Variants in DNM3 observed in about 807,000 individuals in gnomAD.
DNM3 encodes dynamin 3.
DNM3 carries 47 observed loss-of-function variants against 101.6 expected under a neutral mutation model. That is an observed-to-expected ratio of 0.46 (90% confidence interval 0.37 to 0.59). DNM3 has a LOEUF of 0.59. DNM3 is among the 20% of genes least tolerant of loss of function. The pLI, the probability that DNM3 is intolerant of heterozygous loss-of-function variation, is 0.00. For missense variants in DNM3, 849 were observed against 1,085.7 expected (o/e 0.78, Z 3.06); for synonymous variants, 385 against 387.9 (o/e 0.99, Z 0.09).
chr1:172,324,243 G>T (rs2065851029), intron 17 of DNM3, among the ~76,000 whole-genome samples: 1 of 152,126 alleles, frequency 6.6e-6, no homozygotes, highest in Non-Finnish European at 1.5e-5. Context: ...GGGCCTCATT[G>T]AATACAATAA....
At chr1:171,889,304 G>A (rs535700118) in intron 1 of DNM3, among the ~76,000 whole-genome samples, 142 of 151,934 alleles carry the variant, frequency 9.3e-4, no homozygotes, top group African/African-American at 3.1e-3. Context: ...AGAGAGAGGC[G>A]TATGGACAAG....
At chr1:171,986,684 G>A (rs1371920221) in intron 2 of DNM3, among the ~76,000 whole-genome samples, 2 of 149,824 alleles carry the variant, frequency 1.3e-5, no homozygotes, top group African/African-American at 4.9e-5. Flanking sequence ...AGGCTGGAGT[G>A]CAGTGGCATG....
intron 1 of DNM3, among the ~76,000 whole-genome samples, chr1:171,843,609 C>A (rs940037340): frequency 6.6e-6 from 1 of 152,124 alleles, no homozygotes; most frequent in African/African-American, 2.4e-5. Flanking sequence ...CTTGGATGAG[C>A]CTATATTGTA....
intron 15 of DNM3, among the ~76,000 whole-genome samples, chr1:172,254,634 T>C (rs2062326843): frequency 6.6e-6 from 1 of 152,126 alleles, no homozygotes; most frequent in African/African-American, 2.4e-5. Flanking sequence ...TAAGTACACT[T>C]TTCCTTCCAC....
chr1:171,984,630 A>G (rs955973309), intron 2 of DNM3, among the ~76,000 whole-genome samples: 1 of 152,102 alleles, frequency 6.6e-6, no homozygotes, highest in African/African-American at 2.4e-5. Flanking sequence ...TCCCCCTGCT[A>G]TTTTATTTTC....
intron 1 of DNM3, among the ~76,000 whole-genome samples, chr1:171,910,361 A>C (rs1257698244): frequency 6.6e-6 from 1 of 152,216 alleles, no homozygotes. Flanking sequence ...TAAATCTCTT[A>C]CCATTCTGCT....
At chr1:171,872,465 T>C (rs1311053904) in intron 1 of DNM3, among the ~76,000 whole-genome samples, 1 of 152,232 alleles carries the variant, frequency 6.6e-6, no homozygotes, top group African/African-American at 2.4e-5. Flanking sequence ...GCTAGGCATA[T>C]TGGACCTTAG....
intron 14 of DNM3, among the ~76,000 whole-genome samples, chr1:172,217,349 G>A (rs529716580): frequency 4.6e-5 from 7 of 152,212 alleles, no homozygotes; most frequent in African/African-American, 1.2e-4. Context: ...AACATGGTTC[G>A]TGGAAAGCCA....
At chr1:171,986,468 T>C (rs1558376644) in intron 2 of DNM3, among the ~76,000 whole-genome samples, 1 of 152,156 alleles carries the variant, frequency 6.6e-6, no homozygotes, top group African/African-American at 2.4e-5. Context: ...CCACACAGTG[T>C]TAAATCTAAC....
At chr1:172,343,638 A>G (rs1052728184) in intron 17 of DNM3, among the ~76,000 whole-genome samples, 2 of 152,190 alleles carry the variant, frequency 1.3e-5, no homozygotes, top group African/African-American at 4.8e-5. Flanking sequence ...AGCCAGCTGA[A>G]AAATCCTCAA....
intron 7 of DNM3, among the ~76,000 whole-genome samples, chr1:172,041,333 G>A (rs925276769): frequency 6.6e-6 from 1 of 152,166 alleles, no homozygotes; most frequent in African/African-American, 2.4e-5. Flanking sequence ...TGCCTGGGGT[G>A]GGTGGTATCA....
chr1:171,895,331 A>T (rs1241828675), intron 1 of DNM3, among the ~76,000 whole-genome samples: 1 of 152,184 alleles, frequency 6.6e-6, no homozygotes, highest in African/African-American at 2.4e-5. Context: ...TTGCCATTCT[A>T]ACTGGTGTGA....
Position 172,293,890 on chromosome 1 carries a change from A to C in DNM3, c.1770-14838A>C, listed in dbSNP as rs567858649. Among the ~76,000 whole-genome samples, 7 of 152,336 alleles carry C rather than the reference A, an allele frequency of 4.6e-5. No individual in the cohort carries two copies. The South Asian group carries it at 1.0e-3, about 23-fold the overall frequency. ...GGAGAAAGGTCAGTGAGAATGGGCC[A>C]AAGCTGAATTCTTCAGATCTATTCA... On this transcript the variant is annotated intron_variant, in intron 15 of 20. Coordinates refer to ENST00000627582, the MANE Select transcript of DNM3 (RefSeq NM_015569.5).
At chr1:172,134,867 A>T (rs2057130254) in intron 14 of DNM3, among the ~76,000 whole-genome samples, 1 of 152,152 alleles carries the variant, frequency 6.6e-6, no homozygotes, top group South Asian at 2.1e-4. Context: ...AAGGAGGGTA[A>T]TTAAGTCCAG....
intron 1 of DNM3, among the ~76,000 whole-genome samples, chr1:171,873,296 A>G (rs914152435): frequency 6.6e-6 from 1 of 152,232 alleles, no homozygotes; most frequent in East Asian, 1.9e-4. Context: ...TGGTCCATAA[A>G]TGTTAGCTAT....
At chr1:172,223,452 A>T (rs1275753662) in intron 14 of DNM3, among the ~76,000 whole-genome samples, 1 of 151,998 alleles carries the variant, frequency 6.6e-6, no homozygotes, top group Non-Finnish European at 1.5e-5. Context: ...AGTTTTTTAC[A>T]TTCGTTGAAA....
intron 11 of DNM3, among the ~76,000 whole-genome samples, chr1:172,078,987 G>A (rs547813563): frequency 1.1e-4 from 16 of 152,276 alleles, no homozygotes; most frequent in East Asian, 9.7e-4. Flanking sequence ...AGATATATCC[G>A]CTGTTAGTCT....
chr1:172,036,801 T>G (rs1272493288), intron 6 of DNM3, among the ~76,000 whole-genome samples: 1 of 151,950 alleles, frequency 6.6e-6, no homozygotes, highest in Admixed American at 6.6e-5. Context: ...AAATGGGATC[T>G]AATTAAACTA....
At chr1:172,278,503 C>T (rs1051032806) in intron 15 of DNM3, among the ~76,000 whole-genome samples, 1 of 152,106 alleles carries the variant, frequency 6.6e-6, no homozygotes, top group Non-Finnish European at 1.5e-5. Context: ...CCATCCTGGG[C>T]CTCATGCAGC....
Sources: allele counts gnomAD v4.1 joint callset (sites outside exome capture counted in the v4.1 genomes callset), GRCh38; gene constraint gnomAD v4.1.1; transcripts MANE v1.5; gene names NCBI Gene and HGNC (gene_info 2026-07-23, HGNC 2026-07-21).